The following RANBP2 variants were observed in gnomAD, a reference collection of about 807,000 sequenced individuals.
The protein encoded by RANBP2 is E3 SUMO-protein ligase RanBP2.
RANBP2 carries 57 observed loss-of-function variants against 303.6 expected under a neutral mutation model. The observed-to-expected ratio is 0.19, with a 90% CI of 0.15 to 0.23. The LOEUF (loss-of-function observed/expected upper bound fraction) is 0.23. Among genes scored for constraint, RANBP2 ranks in the 10% least tolerant of loss-of-function variants. RANBP2 has a pLI of 1.00. For synonymous variants in RANBP2, 1,167 were observed against 1,301.5 expected (o/e 0.90, Z 2.23); for missense variants, 3,138 against 3,780.8 (o/e 0.83, Z 4.46).
chr2:108,965,670 C>A, the RANBP2 span, among the ~76,000 whole-genome samples: 1 of 151,964 alleles, frequency 6.6e-6, no homozygotes, highest in Non-Finnish European at 1.5e-5. Flanking sequence ...GTGACTGCTG[C>A]AGTGGGAGAG....
the RANBP2 span, among the ~76,000 whole-genome samples, chr2:109,088,438 C>T: frequency 6.8e-6 from 1 of 147,022 alleles, no homozygotes; most frequent in East Asian, 2.0e-4. Flanking sequence ...GAGACAAAAA[C>T]ATGGTATAGA....
chr2:109,447,203 A>AT, the RANBP2 span, among the ~76,000 whole-genome samples: 1 of 151,524 alleles, frequency 6.6e-6, no homozygotes, highest in Non-Finnish European at 1.5e-5. Context: ...GAAAAAAAAA[A>AT]CCCACATAAA....
the RANBP2 span, chr2:109,564,613 AAT>A: frequency 1.6e-6 from 2 of 1,229,016 alleles, no homozygotes; most frequent in Non-Finnish European, 2.2e-6. Context: ...TGAATGAACA[AAT>A]AAATGAAAAC....
chr2:108,817,256 G>C, the RANBP2 span, among the ~76,000 whole-genome samples: 1 of 152,060 alleles, frequency 6.6e-6, no homozygotes, highest in African/African-American at 2.4e-5. Flanking sequence ...TTTGAAGATG[G>C]AGAAAGAGGG....
chr2:109,525,137 ATTTTTG>A, the RANBP2 span, among the ~76,000 whole-genome samples: 2 of 141,624 alleles, frequency 1.4e-5, no homozygotes, highest in African/African-American at 5.3e-5. Flanking sequence ...CCTTGACATC[ATTTTTG>A]TTTTTGTTTT....
At chr2:109,133,484 C>G in the RANBP2 span, among the ~76,000 whole-genome samples, 1 of 152,136 alleles carries the variant, frequency 6.6e-6, no homozygotes, top group Non-Finnish European at 1.5e-5. Flanking sequence ...AGCTGAGGAC[C>G]TTTCTTTGAG....
chr2:109,584,721 T>A, the RANBP2 span, among the ~76,000 whole-genome samples: 1 of 152,138 alleles, frequency 6.6e-6, no homozygotes, highest in South Asian at 2.1e-4. Flanking sequence ...GCTAATTTGA[T>A]TATAATTTTA....
the RANBP2 span, among the ~76,000 whole-genome samples, chr2:109,741,414 G>A: frequency 6.6e-6 from 1 of 152,064 alleles, no homozygotes; most frequent in Admixed American, 6.6e-5. Context: ...TTGGTAAAAA[G>A]CATCTATAAA....
At chr2:109,112,562 A>G in the RANBP2 span, among the ~76,000 whole-genome samples, 1 of 151,012 alleles carries the variant, frequency 6.6e-6, no homozygotes, top group Non-Finnish European at 1.5e-5. Context: ...GGTTGCGAAA[A>G]TTTTCTCCCA....
the RANBP2 span, chr2:109,615,831 T>G: frequency 1.2e-6 from 2 of 1,613,734 alleles, no homozygotes; most frequent in Non-Finnish European, 1.7e-6. Context: ...GGCTGAGGGG[T>G]GGGTCGGAGG....
chr2:109,594,172 T>A, the RANBP2 span, among the ~76,000 whole-genome samples: 3 of 152,192 alleles, frequency 2.0e-5, no homozygotes, highest in Non-Finnish European at 4.4e-5. Flanking sequence ...CAAGAAAAAC[T>A]GTACTAATTC....
At chr2:109,022,655 A>C in the RANBP2 span, among the ~76,000 whole-genome samples, 1 of 152,198 alleles carries the variant, frequency 6.6e-6, no homozygotes, top group Non-Finnish European at 1.5e-5. Flanking sequence ...GGTATCACAC[A>C]TGCTATTCGG....
the RANBP2 span, among the ~76,000 whole-genome samples, chr2:109,202,064 C>T: frequency 2.0e-5 from 3 of 151,982 alleles, no homozygotes; most frequent in Non-Finnish European, 2.9e-5. Context: ...CTCGTGACAG[C>T]ACAGCTGGCA....
chr2:109,414,795 T>C, the RANBP2 span, among the ~76,000 whole-genome samples: 1 of 152,218 alleles, frequency 6.6e-6, no homozygotes, highest in Admixed American at 6.5e-5. Flanking sequence ...CATTTCCATC[T>C]GGCCAAGGCT....
chr2:109,696,502 G>T, the RANBP2 span, among the ~76,000 whole-genome samples: 2 of 152,100 alleles, frequency 1.3e-5, no homozygotes, highest in African/African-American at 4.8e-5. Flanking sequence ...GTTCTGTTCC[G>T]TTGATTTACA....
the RANBP2 span, among the ~76,000 whole-genome samples, chr2:108,863,884 C>G: frequency 3.3e-5 from 5 of 152,170 alleles, no homozygotes; most frequent in African/African-American, 1.2e-4. Context: ...TTAATGAGCG[C>G]TTTTAGCCAT....
the RANBP2 span, among the ~76,000 whole-genome samples, chr2:109,706,682 T>A: frequency 5.6e-4 from 86 of 152,362 alleles, no homozygotes; most frequent in African/African-American, 2.0e-3. Flanking sequence ...ACTGAGGGGT[T>A]CTGAGCACTA....
the RANBP2 span, chr2:108,910,896 G>A: frequency 1.2e-6 from 2 of 1,613,904 alleles, no homozygotes; most frequent in African/African-American, 2.7e-5. Context: ...CCGACAGGGG[G>A]AGTTGACGGA....
the RANBP2 span, among the ~76,000 whole-genome samples, chr2:109,169,107 C>G: frequency 3.9e-5 from 6 of 152,132 alleles, no homozygotes; most frequent in African/African-American, 1.4e-4. Context: ...TTCTTTGGAG[C>G]AGGATTGCTG....
Sources: gnomAD v4.1 joint callset for allele counts (sites outside exome capture counted in the v4.1 genomes callset) on GRCh38, gnomAD v4.1.1 for gene constraint, MANE v1.5 for transcripts, NCBI Gene and HGNC (gene_info 2026-07-23, HGNC 2026-07-21) for gene names.